IGF2BP2: variants seen among roughly 807,000 people sequenced by gnomAD.
IGF2BP2 encodes insulin-like growth factor 2 mRNA-binding protein 2.
Under a neutral mutation model 75.8 loss-of-function variants are expected in IGF2BP2, and 17 were observed. The observed-to-expected ratio is 0.22, with a 90% CI of 0.15 to 0.34. IGF2BP2 has a LOEUF of 0.34. Ranked by LOEUF, IGF2BP2 falls within the 10% of genes least tolerant of loss-of-function variation. IGF2BP2 has a pLI of 1.00. For synonymous variants in IGF2BP2, 288 were observed against 295.6 expected, an observed-to-expected ratio of 0.97 and a Z score of 0.26; for missense variants, 516 against 772.4, an observed-to-expected ratio of 0.67 and a Z score of 3.93.
chr3:185,694,380 C>T lies in IGF2BP2; in HGVS notation c.341-1618G>A, dbSNP rs570231244. 2.4e-4 allele frequency among the ~76,000 whole-genome samples: 37 copies of T among 152,348 alleles called. 1 individual carries two copies. The highest frequency in any genetic ancestry group is 1.2e-3 in the Admixed American group (19 of 15,304). On this transcript the variant is annotated intron_variant, in intron 4 of 15. Coordinates refer to ENST00000382199, the MANE Select transcript of IGF2BP2 (RefSeq NM_006548.6). ...TCCATTAGGATTCTCAGATTCTGTG[C>T]TCACTTCTTAGTCATATGCTCTGTT...
intron 2 of IGF2BP2, among the ~76,000 whole-genome samples, chr3:185,723,054 T>G (rs1192969408): frequency 6.6e-6 from 1 of 152,208 alleles, no homozygotes; most frequent in Non-Finnish European, 1.5e-5. Flanking sequence ...CGTTTCTCGT[T>G]GGCTAAGCTG....
rs542095935 is a variant in IGF2BP2, at chr3:185,761,602, C to A, written c.239+61551G>T. 8.5e-5 allele frequency among the ~76,000 whole-genome samples: 13 copies of A among 152,290 alleles called. No homozygotes were observed. In the South Asian group the frequency reaches 2.3e-3, roughly 27 times the overall value. On this transcript the variant is annotated intron_variant, in intron 2 of 15. Transcript: ENST00000382199. ...TCCTGTAAGGAGAAACATTAAAACC[C>A]AAGCTTTCTCCAGGAAAGACCTCAC...
At position 185,644,143 on chromosome 3, in the gene IGF2BP2, T is replaced by C. The variant is rs1280129492; in HGVS notation, c.*1388A>G. ...TTCCAACTCATTTTTATTAAAAAAA[T>C]AAAAAAATGCTCCAACTATCAGCTT... On this transcript the variant is annotated 3_prime_UTR_variant, in exon 16 of 16. Transcript: ENST00000382199. 1 of 152,358 alleles carries C rather than the reference T, an allele frequency of 6.6e-6. No homozygotes were observed. Among genetic ancestry groups the C allele is most frequent in the African/African-American group, 2.4e-5 (1 of 41,378 alleles). The allele number at this position is 152,358 out of a possible 1,614,324, so 9.4% of individuals were successfully genotyped here.
intron 15 of IGF2BP2, 29 bp downstream of exon 15, chr3:185,646,996 G>A (rs1372461627): frequency 6.6e-7 from 1 of 1,513,766 alleles, no homozygotes; most frequent in Admixed American, 1.7e-5. Context: ...GAGACTTGCA[G>A]GAGAGACAGG....
At chr3:185,675,104 A>C (rs1158762496) in intron 9 of IGF2BP2, 192 bp downstream of exon 9, 1 of 402,250 alleles carries the variant, frequency 2.5e-6, no homozygotes, top group Non-Finnish European at 4.3e-6. Context: ...TATAATTTTA[A>C]TGTCTTCACG....
At chr3:185,795,858 G>C (rs7631557) in intron 2 of IGF2BP2, among the ~76,000 whole-genome samples, 58,842 of 151,776 alleles carry the variant, frequency 0.39, 12,290 homozygotes, top group African/African-American at 0.56. Flanking sequence ...TACACTCCAG[G>C]CTGGGCAACA....
chr3:185,753,616 C>A (rs879401578), intron 2 of IGF2BP2, among the ~76,000 whole-genome samples: 1 of 152,096 alleles, frequency 6.6e-6, no homozygotes, highest in Non-Finnish European at 1.5e-5. Context: ...TCTTGATGTC[C>A]CAGTATCTCA....
At chr3:185,665,026 G>A (rs1311400892) in intron 10 of IGF2BP2, among the ~76,000 whole-genome samples, 5 of 152,064 alleles carry the variant, frequency 3.3e-5, no homozygotes, top group East Asian at 3.9e-4. Flanking sequence ...ACAGACAGGC[G>A]TGTTGGTGTG....
intron 2 of IGF2BP2, among the ~76,000 whole-genome samples, chr3:185,750,097 A>C (rs955116335): frequency 6.6e-6 from 1 of 152,192 alleles, no homozygotes; most frequent in African/African-American, 2.4e-5. Context: ...TTCTGGGTGA[A>C]TCTGGGGTGG....
At chr3:185,717,974 G>A (rs369240004) in intron 2 of IGF2BP2, 2 of 152,258 alleles carry the variant, frequency 1.3e-5, no homozygotes, top group African/African-American at 4.8e-5. Context: ...AGCTGGGCAT[G>A]TCCCAGACAT....
chr3:185,665,266 G>GAGGAGGAGAAGGAGAAGAAGAAGA (rs1560250155), intron 10 of IGF2BP2, among the ~76,000 whole-genome samples: 1 of 140,272 alleles, frequency 7.1e-6, no homozygotes, highest in Non-Finnish European at 1.5e-5. Context: ...GGAGGAGGAG[G>GAGGAGGAGAAGGAGAAGAAGAAGA]AGGAGGAGAA....
rs777236960 is a variant in IGF2BP2, at chr3:185,806,493, CT to C, written c.239+16659del. ...CAAAATAACTTTTCACTTCACATAA[CT>C]ATCATGTTATCAGAACCTTTCAAAG... is the stretch of plus-strand genomic sequence containing the variant. On this transcript the variant is annotated intron_variant, in intron 2 of 15. Transcript: ENST00000382199. 2.6e-5 allele frequency among the ~76,000 whole-genome samples: 4 copies of C among 152,324 alleles called. No individual in the cohort carries two copies. The East Asian group carries it at 7.7e-4, about 29-fold the overall frequency.
At chr3:185,796,095 G>C (rs985967421) in intron 2 of IGF2BP2, among the ~76,000 whole-genome samples, 3 of 152,172 alleles carry the variant, frequency 2.0e-5, no homozygotes, top group African/African-American at 7.2e-5. Context: ...TCCACAGGCA[G>C]GGGAGAGTGG....
At chr3:185,657,700 A>G (rs895605688) in intron 11 of IGF2BP2, among the ~76,000 whole-genome samples, 4 of 152,244 alleles carry the variant, frequency 2.6e-5, no homozygotes, top group African/African-American at 9.6e-5. Context: ...TCTTATACAA[A>G]TGTGATCTGT....
intron 2 of IGF2BP2, chr3:185,728,232 G>C (rs774040736): frequency 1.3e-5 from 2 of 152,474 alleles, no homozygotes; most frequent in African/African-American, 4.8e-5. Flanking sequence ...GCTTTCCCAC[G>C]GCGCCAGACC....
chr3:185,646,293 G>T (rs1713535418), intron 15 of IGF2BP2, among the ~76,000 whole-genome samples: 1 of 152,108 alleles, frequency 6.6e-6, no homozygotes, highest in Admixed American at 6.5e-5. Flanking sequence ...GGTGGCGGGG[G>T]ATCCACAGTG....
Position 185,644,743 on chromosome 3 carries a change from C to G in IGF2BP2, c.*788G>C, listed in dbSNP as rs1713229923. The G allele has an allele frequency of 6.6e-6, 1 of 152,556 alleles. No individual in the cohort carries two copies. Among genetic ancestry groups the G allele is most frequent in the South Asian group, 2.1e-4 (1 of 4,822 alleles). 9.5% of individuals were successfully genotyped at this position (152,556 alleles called of 1,614,324 possible). ...CAGTATGCAAAAAACCAGTTTAAAACCTGTGAAGCAAAGAGAAATGGGTGT... is the reference window on the plus strand; with the variant it reads ...CAGTATGCAAAAAACCAGTTTAAAAGCTGTGAAGCAAAGAGAAATGGGTGT... On this transcript the variant is annotated 3_prime_UTR_variant, in exon 16 of 16. Coordinates refer to ENST00000382199, the MANE Select transcript of IGF2BP2 (RefSeq NM_006548.6).
intron 2 of IGF2BP2, among the ~76,000 whole-genome samples, chr3:185,770,686 C>T (rs568678922): frequency 2.6e-4 from 40 of 152,308 alleles, no homozygotes; most frequent in African/African-American, 9.6e-4. Flanking sequence ...AGGAGCCCCT[C>T]TAGGCAGTCA....
rs200474932 is a variant in IGF2BP2, at chr3:185,689,502, C to G, written c.530G>C (p.Arg177Pro). ...QRAQRGDHSS[R>P]EQGHAPGGTS... ...GCCCCCAGGGGCGTGGCCTTGCTCC[C>G]GGGAAGAGTGGTCCCCACGCTGGGC... The change falls in exon 6 of 16, where the codon CGG (arginine) becomes CCG (proline). Residue 177 changes from arginine (R) to proline (P), a missense_variant. Arg to Pro is a moderately radical substitution (Grantham distance 103). Coordinates refer to ENST00000382199, the MANE Select transcript of IGF2BP2 (RefSeq NM_006548.6). 1 of 1,613,788 alleles carries G rather than the reference C, an allele frequency of 6.2e-7. No homozygotes were observed. Among genetic ancestry groups the G allele is most frequent in the Non-Finnish European group, 8.5e-7 (1 of 1,179,902 alleles).
Sources: allele counts gnomAD v4.1 joint callset (sites outside exome capture counted in the v4.1 genomes callset), GRCh38; gene constraint gnomAD v4.1.1; transcripts MANE v1.5; gene names NCBI Gene and HGNC (gene_info 2026-07-23, HGNC 2026-07-21).